Variants in PTK7 observed in about 807,000 individuals in gnomAD.
PTK7 encodes inactive tyrosine-protein kinase 7.
Under a neutral mutation model 116.6 loss-of-function variants are expected in PTK7, and 39 were observed. The observed-to-expected ratio is 0.33, with a 90% confidence interval of 0.26 to 0.44. The LOEUF is 0.44. Ranked by LOEUF, PTK7 falls within the 20% of genes least tolerant of loss-of-function variation. PTK7 has a pLI of 1.00. For missense variants in PTK7, 1,169 were observed against 1,425.6 expected (o/e 0.82, Z 2.90); for synonymous variants, 546 against 563.6 (o/e 0.97, Z 0.44).
intron 1 of PTK7, among the ~76,000 whole-genome samples, chr6:43,109,241 A>C (rs1265671912): frequency 6.6e-6 from 1 of 152,084 alleles, no homozygotes; most frequent in African/African-American, 2.4e-5. Context: ...GGGTCTTGCT[A>C]TGTTGTCCAA....
At chr6:43,093,293 G>A (rs1032003120) in intron 1 of PTK7, among the ~76,000 whole-genome samples, 1 of 148,110 alleles carries the variant, frequency 6.8e-6, no homozygotes, top group South Asian at 2.1e-4. Context: ...AGGTTCAAGC[G>A]ATTCTCCTGC....
chr6:43,111,854 TAATA>T (rs1768211455), intron 1 of PTK7, among the ~76,000 whole-genome samples: 2 of 150,482 alleles, frequency 1.3e-5, no homozygotes, highest in African/African-American at 2.5e-5. Flanking sequence ...TTTTTTTTTT[TAATA>T]TTTAGTAGAG....
intron 1 of PTK7, among the ~76,000 whole-genome samples, chr6:43,126,244 C>T (rs372100818): frequency 1.3e-5 from 2 of 152,048 alleles, no homozygotes; most frequent in South Asian, 4.2e-4. Context: ...CGCTTAAATC[C>T]GAGAGGTGGA....
chr6:43,122,394 C>T lies in PTK7; in HGVS notation c.80-6583C>T, dbSNP rs190948076. Among the ~76,000 whole-genome samples, 497 of 149,944 alleles carry T rather than the reference C, an allele frequency of 3.3e-3. 3 individuals carry two copies. Among genetic ancestry groups the T allele is most frequent in the African/African-American group, 0.012 (475 of 39,474 alleles). ...GTCAGGGAGCCCCGGGGCTGCTCCT[C>T]CCCTGGAACATTTATGCTTCTCAGG... On this transcript the variant is annotated intron_variant, in intron 1 of 19. Transcript: ENST00000230419.
chr6:43,138,966 A>G lies in PTK7; in HGVS notation c.1346A>G (p.Gln449Arg), dbSNP rs1298837909. ...CCTACAGTTGTCTGGTACAGAAACC[A>G]GATGCTCATCTCAGAGGTGAGAAAG... ...PKPTVVWYRN[Q>R]MLISEDSRFE... The change falls in exon 8 of 20, where the codon CAG becomes CGG. Residue 449 changes from glutamine to arginine, a missense_variant. Physicochemically the swap from Gln to Arg is conservative, Grantham distance 43. Transcript: ENST00000230419. 1 of 1,614,016 alleles carries G rather than the reference A, an allele frequency of 6.2e-7. No individual in the cohort carries two copies. Among genetic ancestry groups the G allele is most frequent in the Non-Finnish European group, 8.5e-7 (1 of 1,179,976 alleles).
rs1342724774 is a variant in PTK7 at position 43,109,112 on chromosome 6, GTT to G, written c.80-19862_80-19861del. Among the ~76,000 whole-genome samples the G allele has an allele frequency of 3.3e-5, 5 of 152,286 alleles. No homozygotes were observed. In the East Asian group the frequency reaches 9.6e-4, roughly 29 times the overall value. ...TACGGATTTTAAACCTATTTGATGT[GTT>G]TTAGTCCATGTGGTTCTTACCCTTA... On this transcript the variant is annotated intron_variant, in intron 1 of 19. Transcript: ENST00000230419.
chr6:43,131,991 C>T (rs1388353544), intron 5 of PTK7, 25 bp from the exon 6 acceptor site: 2 of 1,613,364 alleles, frequency 1.2e-6, no homozygotes, highest in African/African-American at 2.7e-5. Flanking sequence ...GCCACTTTCT[C>T]CAAATTGCAC....
chr6:43,123,735 G>A (rs1332794462), intron 1 of PTK7, among the ~76,000 whole-genome samples: 2 of 152,204 alleles, frequency 1.3e-5, no homozygotes, highest in Non-Finnish European at 2.9e-5. Context: ...CTTTGTTGGG[G>A]TCGGCGCCTG....
At chr6:43,111,725 C>T (rs181974592) in intron 1 of PTK7, among the ~76,000 whole-genome samples, 4 of 151,944 alleles carry the variant, frequency 2.6e-5, no homozygotes, top group East Asian at 1.9e-4. Context: ...TGCAGTGGCA[C>T]GATCATTGCT....
intron 17 of PTK7, among the ~76,000 whole-genome samples, chr6:43,152,305 G>A (rs2150471511): frequency 6.6e-6 from 1 of 152,338 alleles, no homozygotes; most frequent in South Asian, 2.1e-4. Flanking sequence ...GGCCGAGGCA[G>A]GCAGATCATT....
At position 43,121,740 on chromosome 6, in the gene PTK7, C is replaced by T. The variant is rs1374912300; in HGVS notation, c.80-7237C>T. On this transcript the variant is annotated intron_variant, in intron 1 of 19. Transcript: ENST00000230419. ...CTAAATCCTCAGAGTCACAAATAGC[C>T]CTGCAGCATTTTGTGTTTCTGCCAA... 2.0e-5 allele frequency among the ~76,000 whole-genome samples: 3 copies of T among 152,128 alleles called. No homozygotes were observed. The East Asian group carries it at 5.8e-4, about 29-fold the overall frequency.
chr6:43,094,321 A>G (rs1167345028), intron 1 of PTK7, among the ~76,000 whole-genome samples: 1 of 152,012 alleles, frequency 6.6e-6, no homozygotes, highest in African/African-American at 2.4e-5. Context: ...TTCCCCCTTC[A>G]GTCACGTTGT....
At chr6:43,119,413 C>T (rs1459876826) in intron 1 of PTK7, among the ~76,000 whole-genome samples, 1 of 152,192 alleles carries the variant, frequency 6.6e-6, no homozygotes, top group Non-Finnish European at 1.5e-5. Context: ...TCACCCCCTG[C>T]TTCTGCGGGA....
intron 1 of PTK7, among the ~76,000 whole-genome samples, chr6:43,078,112 T>C (rs1012492400): frequency 1.3e-5 from 2 of 152,248 alleles, no homozygotes; most frequent in Admixed American, 6.5e-5. Flanking sequence ...CCTTCACTGC[T>C]GCTGTTCAGG....
chr6:43,092,889 C>G (rs920267033), intron 1 of PTK7, among the ~76,000 whole-genome samples: 10 of 152,152 alleles, frequency 6.6e-5, no homozygotes, highest in African/African-American at 2.4e-4. Flanking sequence ...TGATGCTTAT[C>G]TGTGATGGTT....
intron 1 of PTK7, among the ~76,000 whole-genome samples, chr6:43,117,513 A>C (rs956109387): frequency 1.3e-5 from 2 of 152,198 alleles, no homozygotes; most frequent in African/African-American, 2.4e-5. Context: ...CTTGGGAGCC[A>C]GACAGATCCA....
intron 17 of PTK7, among the ~76,000 whole-genome samples, chr6:43,152,711 CAGA>C (rs1213811536): frequency 1.3e-5 from 2 of 150,534 alleles, no homozygotes; most frequent in South Asian, 4.2e-4. Context: ...GCTAGAGCAA[CAGA>C]AGAACTGAAT....
At chr6:43,135,307 A>G (rs1233636165) in intron 7 of PTK7, among the ~76,000 whole-genome samples, 4 of 152,252 alleles carry the variant, frequency 2.6e-5, no homozygotes, top group African/African-American at 9.6e-5. Flanking sequence ...CATTCAGTCA[A>G]CAGAGATTTG....
intron 17 of PTK7, 129 bp from the exon 18 acceptor site, chr6:43,158,688 G>A (rs1771659818): frequency 2.1e-6 from 2 of 952,486 alleles, no homozygotes; most frequent in Non-Finnish European, 3.1e-6. Context: ...AGGAAGCTGA[G>A]GCTGTTGTGC....
Sources: allele counts gnomAD v4.1 joint callset (sites outside exome capture counted in the v4.1 genomes callset), GRCh38; gene constraint gnomAD v4.1.1; transcripts MANE v1.5; gene names NCBI Gene and HGNC (gene_info 2026-07-23, HGNC 2026-07-21).